GTF3C1: variants seen among roughly 807,000 people sequenced by gnomAD.
GTF3C1 encodes the protein general transcription factor IIIC subunit 1, also known as general transcription factor 3C polypeptide 1.
GTF3C1 carries 57 observed loss-of-function variants against 226.7 expected under a neutral mutation model. The observed-to-expected ratio is 0.25, with a 90% CI of 0.20 to 0.31. GTF3C1 has a LOEUF of 0.31. Among genes scored for constraint, GTF3C1 ranks in the 10% least tolerant of loss-of-function variants. The pLI is 1.00. For synonymous variants in GTF3C1, 1,090 were observed against 1,084.8 expected (o/e 1.00, Z -0.09); for missense variants, 2,217 against 2,776.1 (o/e 0.80, Z 4.53).
chr16:27,509,757 CA>C (rs770402001), intron 7 of GTF3C1, among the ~76,000 whole-genome samples: 9,811 of 58,766 alleles, frequency 0.17, 311 homozygotes, highest in African/African-American at 0.3. Context: ...GACTCCGTCT[CA>C]AAAAAAAAAA....
At chr16:27,547,076 C>CA (rs1421235416) in intron 1 of GTF3C1, among the ~76,000 whole-genome samples, 2 of 152,140 alleles carry the variant, frequency 1.3e-5, no homozygotes, top group Non-Finnish European at 2.9e-5. Context: ...TGTCTCCTCC[C>CA]AAACTTCCAG....
intron 28 of GTF3C1, among the ~76,000 whole-genome samples, chr16:27,478,039 C>T (rs2087979616): frequency 6.6e-6 from 1 of 152,146 alleles, no homozygotes; most frequent in Non-Finnish European, 1.5e-5. Context: ...GGTGTGGTGG[C>T]AGGTGCCTGT....
chr16:27,488,722 A>G, intron 21 of GTF3C1, 87 bp from the exon 22 acceptor site: 1 of 1,121,534 alleles, frequency 8.9e-7, no homozygotes, highest in Non-Finnish European at 1.3e-6. Context: ...GAGGTCTCTT[A>G]GGAAGGTAAG....
intron 29 of GTF3C1, among the ~76,000 whole-genome samples, chr16:27,474,780 T>G (rs1434515982): frequency 6.6e-6 from 1 of 152,132 alleles, no homozygotes; most frequent in Non-Finnish European, 1.5e-5. Flanking sequence ...CCACTCCAAA[T>G]GTGTACACTT....
intron 21 of GTF3C1, among the ~76,000 whole-genome samples, 166 bp downstream of exon 21, chr16:27,488,877 G>A (rs1329364439): frequency 2.0e-5 from 3 of 152,232 alleles, no homozygotes; most frequent in African/African-American, 2.4e-5. Context: ...CACAGCGTAA[G>A]TTAGCATCCA....
chr16:27,489,684 C>T lies in GTF3C1; in HGVS notation c.3211G>A (p.Glu1071Lys). The part of the protein sequence containing the change: ...NSSTDQGSDE[E>K]GSLQKEQESA... The stretch of plus-strand genomic sequence containing the variant: ...TCCTGCTCCTTCTGCAGGCTGCCCT[C>T]CTCGTCGCTGCCCTGGTCTGTGCTG... The change falls in exon 20 of 37, where the codon GAG becomes AAG. Residue 1071 changes from glutamate to lysine, a missense_variant. Around this residue, in one of 12 missense-constraint regions of GTF3C1, gnomAD observed 353 missense variants for 411.7 expected, o/e 0.86. Coordinates refer to ENST00000356183, the MANE Select transcript of GTF3C1 (RefSeq NM_001520.4). 1 of 1,612,140 alleles carries T rather than the reference C, an allele frequency of 6.2e-7. No individual in the cohort carries two copies. Among genetic ancestry groups the T allele is most frequent in the Non-Finnish European group, 8.5e-7 (1 of 1,179,696 alleles).
chr16:27,503,534 G>A (rs868267975), intron 10 of GTF3C1, among the ~76,000 whole-genome samples: 1 of 152,158 alleles, frequency 6.6e-6, no homozygotes, highest in Non-Finnish European at 1.5e-5. Flanking sequence ...GAAGTCTCTG[G>A]GCAAAAAGTG....
In GTF3C1 at chr16:27,494,838, G is replaced by C. The variant is rs2088290944; in HGVS notation, c.2703C>G (p.Gly901=). ...GGAGGATGTCGCTGACGAGAGCCCA[G>C]CCAAAGCCGAAGTCCCTGTGGACTG... ...PIPVHRDFGF[G]WALVSDILLC... Residue 901 remains glycine (G), a synonymous_variant, in exon 16 of 37, where the codon GGC becomes GGG. Coordinates refer to ENST00000356183, the MANE Select transcript of GTF3C1 (RefSeq NM_001520.4). 6.2e-7 allele frequency: 1 copy of C among 1,612,462 alleles called. No homozygotes were observed. Among genetic ancestry groups the C allele is most frequent in the Non-Finnish European group, 8.5e-7 (1 of 1,178,448 alleles).
intron 1 of GTF3C1, 24 bp downstream of exon 1, chr16:27,549,646 C>T: frequency 3.3e-6 from 4 of 1,208,624 alleles, no homozygotes; most frequent in South Asian, 1.3e-5. Context: ...CCCGCCCGCC[C>T]GCCAGGCCAG....
chr16:27,474,982 G>A (rs529310786), intron 29 of GTF3C1, among the ~76,000 whole-genome samples: 2 of 152,326 alleles, frequency 1.3e-5, no homozygotes, highest in African/African-American at 2.4e-5. Context: ...GTGTGCTGAG[G>A]TCTGGCCATG....
Position 27,508,613 on chromosome 16 carries a change from C to T in GTF3C1, c.1169G>A (p.Arg390Gln), listed in dbSNP as rs755821649. The change falls in exon 8 of 37, where the codon CGA becomes CAA. Residue 390 changes from arginine to glutamine, a missense_variant. Physicochemically the swap from Arg to Gln is conservative, Grantham distance 43 (BLOSUM62 1). Coordinates refer to ENST00000356183, the MANE Select transcript of GTF3C1 (RefSeq NM_001520.4). Reference sequence around the variant, plus strand: ...TAGTTTTCCCACATTCATAGCCACTCGGATTTCAGCTTGGGAAATTCCTTT... The same window carrying T: ...TAGTTTTCCCACATTCATAGCCACTTGGATTTCAGCTTGGGAAATTCCTTT... ...GTKGISQAEIRVAMNVGKLEA... is the reference protein window; with the variant it reads ...GTKGISQAEIQVAMNVGKLEA... The T allele has an allele frequency of 2.5e-6, 4 of 1,614,186 alleles. No homozygotes were observed. The highest frequency in any genetic ancestry group is 2.2e-5 in the East Asian group (1 of 44,892).
At chr16:27,529,082 C>G (rs1226364876) in intron 5 of GTF3C1, among the ~76,000 whole-genome samples, 2 of 152,026 alleles carry the variant, frequency 1.3e-5, no homozygotes, top group African/African-American at 2.4e-5. Flanking sequence ...AATACAAACA[C>G]ACACACACAG....
chr16:27,510,311 A>G (rs1015902687), intron 7 of GTF3C1, among the ~76,000 whole-genome samples: 3 of 151,600 alleles, frequency 2.0e-5, no homozygotes, highest in Non-Finnish European at 4.4e-5. Flanking sequence ...GCGTGAACCC[A>G]GGAGGCGGAG....
intron 2 of GTF3C1, among the ~76,000 whole-genome samples, chr16:27,541,657 G>A (rs773773264): frequency 2.0e-5 from 3 of 152,192 alleles, no homozygotes; most frequent in Non-Finnish European, 4.4e-5. Flanking sequence ...ATGTGGCGAC[G>A]TGAAGATTTG....
chr16:27,538,506 A>G (rs2089034474), intron 2 of GTF3C1, 150 bp from the exon 3 acceptor site: 2 of 550,280 alleles, frequency 3.6e-6, no homozygotes, highest in Non-Finnish European at 6.4e-6. Context: ...TTTCAGTCTT[A>G]GAAGTGTAGT....
At position 27,492,374 on chromosome 16, in the gene GTF3C1, A is replaced by T; in HGVS notation, c.3115T>A (p.Phe1039Ile). Reference protein sequence around the residue: ...NSMQDVENYWFDLQCVCLNTP... With the variant: ...NSMQDVENYWIDLQCVCLNTP... ...TTGAGGCAGACGCACTGCAGGTCAA[A>T]CCAGTAGTTTTCCACATCCTGCATT... Residue 1039 changes from phenylalanine to isoleucine, a missense_variant, in exon 19 of 37, where the codon TTT (phenylalanine) becomes ATT (isoleucine). Phe to Ile is a conservative substitution (Grantham distance 21). Around this residue, in one of 12 missense-constraint regions of GTF3C1, gnomAD observed 353 missense variants for 411.7 expected, o/e 0.86. Coordinates refer to ENST00000356183, the MANE Select transcript of GTF3C1 (RefSeq NM_001520.4). The surrounding 1 kb of genome is among the most constrained non-coding windows in gnomAD (Gnocchi z 5.0). The T allele has an allele frequency of 1.2e-6, 2 of 1,609,890 alleles. No individual in the cohort carries two copies. The highest frequency in any genetic ancestry group is 1.7e-6 in the Non-Finnish European group (2 of 1,177,510).
chr16:27,481,505 ACACAGTGCTCCCT>A (rs1368840163), intron 26 of GTF3C1, among the ~76,000 whole-genome samples: 2 of 151,410 alleles, frequency 1.3e-5, no homozygotes, highest in Non-Finnish European at 2.9e-5. Context: ...AACGTGCCCC[ACACAGTGCTCCCT>A]CACAGCCTCC....
chr16:27,495,786 G>A (rs531746282), intron 14 of GTF3C1, among the ~76,000 whole-genome samples: 2 of 152,286 alleles, frequency 1.3e-5, no homozygotes, highest in African/African-American at 2.4e-5. Flanking sequence ...AACTCCAGTC[G>A]GTGAAGGAGC....
chr16:27,539,653 A>C (rs556709023), intron 2 of GTF3C1, among the ~76,000 whole-genome samples: 1 of 152,326 alleles, frequency 6.6e-6, no homozygotes, highest in Admixed American at 6.5e-5. Context: ...GTGTCCCCTG[A>C]AAGTTCACGT....
Sources: gnomAD v4.1 joint callset for allele counts (sites outside exome capture counted in the v4.1 genomes callset) on GRCh38, gnomAD v4.1.1 for gene constraint, gnomAD v4.1.1 regional missense constraint, Gnocchi (gnomAD v3.1) non-coding constraint, MANE v1.5 for transcripts, NCBI Gene and HGNC (gene_info 2026-07-23, HGNC 2026-07-21) for gene names.